The following KAT2B variants were observed in gnomAD, a reference collection of about 807,000 sequenced individuals.
KAT2B encodes histone acetyltransferase KAT2B.
A neutral mutation model predicts 105.9 loss-of-function variants in KAT2B; 36 were observed. The observed-to-expected ratio is 0.34, with a 90% CI of 0.26 to 0.45. The LOEUF is 0.45. KAT2B is among the 20% of genes least tolerant of loss of function. KAT2B has a pLI of 1.00. For synonymous variants in KAT2B, 397 were observed against 377.9 expected, an observed-to-expected ratio of 1.05 and a Z score of -0.59; for missense variants, 820 against 1,021.6, an observed-to-expected ratio of 0.80 and a Z score of 2.69.
intron 2 of KAT2B, among the ~76,000 whole-genome samples, chr3:20,076,808 C>A (rs9861556): frequency 1.3e-5 from 2 of 152,186 alleles, no homozygotes; most frequent in Non-Finnish European, 2.9e-5. Flanking sequence ...AGCCTGAATT[C>A]TCAAATACAT....
At chr3:20,105,487 A>G (rs1462363914) in intron 5 of KAT2B, among the ~76,000 whole-genome samples, 1 of 152,198 alleles carries the variant, frequency 6.6e-6, no homozygotes, top group African/African-American at 2.4e-5. Context: ...TCATAAGAAT[A>G]CAGAGTGGCT....
At chr3:20,122,934 G>A in intron 9 of KAT2B, 130 bp downstream of exon 9, 1 of 1,386,642 alleles carries the variant, frequency 7.2e-7, no homozygotes, top group Non-Finnish European at 9.4e-7. Context: ...CATTTAACCT[G>A]GTGGTCAGTG....
At chr3:20,133,267 T>C (rs951532135) in intron 11 of KAT2B, among the ~76,000 whole-genome samples, 1 of 152,226 alleles carries the variant, frequency 6.6e-6, no homozygotes, top group Non-Finnish European at 1.5e-5. Flanking sequence ...GGAATTCATA[T>C]TGTATGCATT....
At chr3:20,143,055 A>G (rs1699721494) in intron 13 of KAT2B, among the ~76,000 whole-genome samples, 1 of 152,142 alleles carries the variant, frequency 6.6e-6, no homozygotes, top group Non-Finnish European at 1.5e-5. Flanking sequence ...CAATTTTTTT[A>G]TAAGGAGACA....
chr3:20,105,064 T>G (rs764184705), intron 5 of KAT2B, among the ~76,000 whole-genome samples: 1 of 152,036 alleles, frequency 6.6e-6, no homozygotes, highest in Non-Finnish European at 1.5e-5. Context: ...TTTTGTATTT[T>G]TAGTAAAGAT....
intron 17 of KAT2B, among the ~76,000 whole-genome samples, chr3:20,152,025 C>T (rs571100912): frequency 6.6e-6 from 1 of 152,242 alleles, no homozygotes; most frequent in East Asian, 1.9e-4. Flanking sequence ...GTAGTCAGTT[C>T]ATCATACTTA....
intron 7 of KAT2B, among the ~76,000 whole-genome samples, chr3:20,119,309 A>G (rs1243254702): frequency 6.7e-6 from 1 of 148,778 alleles, no homozygotes; most frequent in African/African-American, 2.5e-5. Flanking sequence ...TAACTACCAT[A>G]ACTCCGTCCT....
chr3:20,042,521 C>T (rs1303475921), intron 1 of KAT2B, among the ~76,000 whole-genome samples: 2 of 152,150 alleles, frequency 1.3e-5, no homozygotes, highest in East Asian at 1.9e-4. Flanking sequence ...TAATCAAACA[C>T]CACCTGTTCC....
chr3:20,041,002 G>A (rs1697708381), intron 1 of KAT2B, among the ~76,000 whole-genome samples: 1 of 152,174 alleles, frequency 6.6e-6, no homozygotes, highest in South Asian at 2.1e-4. Flanking sequence ...AAGACGGAGA[G>A]CCCTTCATTC....
At chr3:20,125,835 G>T in intron 9 of KAT2B, 70 bp from the exon 10 acceptor site, 1 of 1,235,298 alleles carries the variant, frequency 8.1e-7, no homozygotes, top group Non-Finnish European at 1.2e-6. Flanking sequence ...TGAGAAGCTT[G>T]GATGTGTCCC....
chr3:20,144,250 C>T (rs1018294927), intron 13 of KAT2B, among the ~76,000 whole-genome samples: 12 of 140,020 alleles, frequency 8.6e-5, no homozygotes, highest in Admixed American at 1.4e-4. Context: ...CTGAAGGTGT[C>T]GATTTAAGAG....
In KAT2B at chr3:20,147,878, TTTC is replaced by T. The variant is rs1699805028; in HGVS notation, c.2120-82_2120-80del. 9.3e-6 allele frequency: 12 copies of T among 1,286,082 alleles called. No homozygotes were observed. In the South Asian group the frequency reaches 1.5e-4, roughly 16 times the overall value. 79.7% of individuals were successfully genotyped at this position (1,286,082 alleles called of 1,614,324 possible). Reference sequence around the variant, plus strand: ...TAGACTTTTATTGTCATGCCTATAATTTCTTGTTTTTGATAAGTATTAACTATG... The same window carrying T: ...TAGACTTTTATTGTCATGCCTATAATTTGTTTTTGATAAGTATTAACTATG... On this transcript the variant is annotated intron_variant, in intron 14 of 17. Coordinates refer to ENST00000263754, the MANE Select transcript of KAT2B (RefSeq NM_003884.5).
At chr3:20,059,876 C>G (rs897111758) in intron 1 of KAT2B, among the ~76,000 whole-genome samples, 3 of 152,166 alleles carry the variant, frequency 2.0e-5, no homozygotes, top group Non-Finnish European at 4.4e-5. Context: ...ATCCTTGGGT[C>G]CATTTACAGT....
At chr3:20,046,995 TAACAG>T (rs1490711955) in intron 1 of KAT2B, among the ~76,000 whole-genome samples, 5 of 152,064 alleles carry the variant, frequency 3.3e-5, no homozygotes, top group Non-Finnish European at 1.5e-5. Context: ...TTAATAGAAT[TAACAG>T]AAGTTGAGAA....
intron 1 of KAT2B, among the ~76,000 whole-genome samples, chr3:20,049,468 A>G (rs1351230689): frequency 2.6e-5 from 4 of 152,194 alleles, no homozygotes; most frequent in Non-Finnish European, 4.4e-5. Flanking sequence ...GACTTCTTCA[A>G]GCTACAGTGG....
intron 8 of KAT2B, among the ~76,000 whole-genome samples, chr3:20,120,639 T>G (rs1559322185): frequency 2.6e-5 from 4 of 152,070 alleles, no homozygotes; most frequent in East Asian, 3.9e-4. Flanking sequence ...AACTGCAAAG[T>G]CACATAGCAA....
chr3:20,062,309 A>ATATAT (rs369378253), intron 1 of KAT2B, among the ~76,000 whole-genome samples: 36,478 of 81,064 alleles, frequency 0.45, 11,240 homozygotes, highest in Non-Finnish European at 0.5. Context: ...ATAAAATATA[A>ATATAT]TATATATAAA....
At chr3:20,125,733 TTGTATG>T (rs994689705) in intron 9 of KAT2B, among the ~76,000 whole-genome samples, 166 bp from the exon 10 acceptor site, 2 of 152,168 alleles carry the variant, frequency 1.3e-5, no homozygotes, top group African/African-American at 2.4e-5. Context: ...TCTTCATAAC[TTGTATG>T]TGTATGTGTC....
intron 1 of KAT2B, among the ~76,000 whole-genome samples, chr3:20,070,627 A>G (rs1320048606): frequency 4.6e-5 from 7 of 151,598 alleles, no homozygotes; most frequent in Admixed American, 6.6e-5. Flanking sequence ...ACTGTTACAC[A>G]TATATACACA....
Sources: gnomAD v4.1 joint callset for allele counts (sites outside exome capture counted in the v4.1 genomes callset) on GRCh38, gnomAD v4.1.1 for gene constraint, MANE v1.5 for transcripts, NCBI Gene and HGNC (gene_info 2026-07-23, HGNC 2026-07-21) for gene names.